Variants in SRPRA observed in about 807,000 individuals in gnomAD.
SRPRA encodes signal recognition particle receptor subunit alpha.
SRPRA carries 30 observed loss-of-function variants against 61.1 expected under a neutral mutation model. The observed-to-expected ratio is 0.49, with a 90% CI of 0.37 to 0.67. SRPRA has a LOEUF of 0.67. Ranked by LOEUF, SRPRA falls within the 30% of genes least tolerant of loss-of-function variation. The probability of loss-of-function intolerance (pLI) is 0.00; values close to 1 mark genes in which losing one functional copy is unlikely to be tolerated. For synonymous variants in SRPRA, 324 were observed against 299.7 expected, an observed-to-expected ratio of 1.08 and a Z score of -0.84; for missense variants, 759 against 828.4, an observed-to-expected ratio of 0.92 and a Z score of 1.03.
At chr11:126,240,872 C>T in the SRPRA span, 14 of 1,614,030 alleles carry the variant, frequency 8.7e-6, no homozygotes, top group East Asian at 2.2e-5. Flanking sequence ...GCTGCAGTTG[C>T]GCCCCAAGTT....
At chr11:126,236,259 A>AGTAAG in the SRPRA span, among the ~76,000 whole-genome samples, 19 of 152,200 alleles carry the variant, frequency 1.2e-4, no homozygotes, top group Non-Finnish European at 2.2e-4. Flanking sequence ...TAGCCTCCTA[A>AGTAAG]GTAAGGACCC....
At chr11:126,258,780 A>G (rs1031774397), downstream of SRPRA, among the ~76,000 whole-genome samples, 8 of 152,270 alleles carry the variant, frequency 5.3e-5, no homozygotes, top group African/African-American at 1.9e-4. Flanking sequence ...GAAAGATGCT[A>G]AAGTTTAAAA....
chr11:126,259,755 C>T (rs1232112257), downstream of SRPRA, among the ~76,000 whole-genome samples: 2 of 143,208 alleles, frequency 1.4e-5, no homozygotes, highest in South Asian at 4.5e-4. Flanking sequence ...GAGTTTCTCT[C>T]TGTCACCCAG....
chr11:126,263,361 T>A lies in SRPRA; in HGVS notation c.*555A>T, dbSNP rs1185911239. 1.3e-5 allele frequency: 2 copies of A among 152,728 alleles called. No homozygotes were observed. The highest frequency in any genetic ancestry group is 2.9e-5 in the Non-Finnish European group (2 of 68,170). 9.5% of individuals were successfully genotyped at this position (152,728 alleles called of 1,614,324 possible). A position where few individuals can be genotyped will look rare whatever the true frequency, so the allele number is the denominator to read the frequency against. On this transcript the variant is annotated 3_prime_UTR_variant, in exon 14 of 14. Coordinates refer to ENST00000332118, the MANE Select transcript of SRPRA (RefSeq NM_003139.4). ...AAATCACTCCAGCCTAGCTGATGCT[T>A]TGGGGTAAACAATGGAGTAGGAGTC...
At chr11:126,262,599 TGTACA>T (rs1950724439), downstream of SRPRA, 1 of 160,354 alleles carries the variant, frequency 6.2e-6, no homozygotes, top group Non-Finnish European at 1.4e-5. Flanking sequence ...TCTTTTACAG[TGTACA>T]GTATTTTACA....
chr11:126,247,816 C>G, the SRPRA span, among the ~76,000 whole-genome samples: 6 of 149,432 alleles, frequency 4.0e-5, no homozygotes, highest in African/African-American at 1.5e-4. Flanking sequence ...TGAGACCACG[C>G]CACTGCACTC....
the SRPRA span, chr11:126,256,986 C>T: frequency 1.1e-4 from 94 of 890,228 alleles, 1 homozygote; most frequent in Middle Eastern, 3.5e-4. This position sits in a 1 kb window ranked among gnomAD's most constrained non-coding sequence, Gnocchi z 6.6. Context: ...AAGGAGGCCA[C>T]AGTCTTCAGG....
the SRPRA span, chr11:126,254,520 T>G: frequency 6.5e-7 from 1 of 1,537,644 alleles, no homozygotes; most frequent in Non-Finnish European, 8.9e-7. Context: ...GGGAACATCT[T>G]CTTTTCATTA....
In SRPRA at chr11:126,267,590, A is replaced by C; in HGVS notation, c.324T>G (p.Asn108Lys). Reference sequence around the variant, plus strand: ...AGTCATTTTGGAAATCAAAAGTGCCATTTAATAAACTTAAAGCACTTTGCT... The same window carrying C: ...AGTCATTTTGGAAATCAAAAGTGCCCTTTAATAAACTTAAAGCACTTTGCT... ...IQQQSALSLLNGTFDFQNDFL... is the reference protein window; with the variant it reads ...IQQQSALSLLKGTFDFQNDFL... The change falls in exon 3 of 14, where the codon AAT (asparagine) becomes AAG (lysine). Residue 108 changes from asparagine (N) to lysine (K), a missense_variant. By Grantham distance (94) the Asn-to-Lys change is moderately conservative. This residue lies in a region of SRPRA where 475 missense variants were observed against 462.5 expected (regional missense o/e 1.03). Transcript: ENST00000332118. The surrounding 1 kb of genome is among the most constrained non-coding windows in gnomAD (Gnocchi z 4.2). The C allele has an allele frequency of 1.9e-6, 3 of 1,614,162 alleles. No homozygotes were observed. The highest frequency in any genetic ancestry group is 1.7e-6 in the Non-Finnish European group (2 of 1,180,052).
chr11:126,238,904 T>C, the SRPRA span, among the ~76,000 whole-genome samples: 3 of 152,058 alleles, frequency 2.0e-5, no homozygotes, highest in Non-Finnish European at 2.9e-5. Flanking sequence ...AAGTAACTAT[T>C]ATTTGGTGGT....
At chr11:126,262,272 AG>A (rs1210643011), downstream of SRPRA, 6 of 722,224 alleles carry the variant, frequency 8.3e-6, no homozygotes, top group East Asian at 1.4e-4. Flanking sequence ...GGGGTAGAAG[AG>A]GGGGGAATGT....
chr11:126,261,404 A>G, downstream of SRPRA: 1 of 1,611,038 alleles, frequency 6.2e-7, no homozygotes, highest in Non-Finnish European at 8.5e-7. Flanking sequence ...CTAATGTCTG[A>G]TGCTGATGTC....
chr11:126,255,399 TC>T, the SRPRA span, among the ~76,000 whole-genome samples: 2 of 152,204 alleles, frequency 1.3e-5, no homozygotes, highest in African/African-American at 4.8e-5. This position sits in a 1 kb window ranked among gnomAD's most constrained non-coding sequence, Gnocchi z 4.6. Flanking sequence ...TTTTACCCAT[TC>T]TTTCCCAACA....
Position 126,262,964 on chromosome 11 carries a change from A to G in SRPRA, c.*952T>C, listed in dbSNP as rs1461819486. On this transcript the variant is annotated 3_prime_UTR_variant, in exon 14 of 14. Transcript: ENST00000332118. ...TTATTTATGAAATTTATTTTCTTATATAAATTACTTATTTCTCTGGGCAGA... is the reference window on the plus strand; with the variant it reads ...TTATTTATGAAATTTATTTTCTTATGTAAATTACTTATTTCTCTGGGCAGA... The G allele has an allele frequency of 6.5e-6, 1 of 152,694 alleles. No individual in the cohort carries two copies. The highest frequency in any genetic ancestry group is 1.5e-5 in the Non-Finnish European group (1 of 68,056). 9.5% of individuals were successfully genotyped at this position (152,694 alleles called of 1,614,324 possible). A position where few individuals can be genotyped will look rare whatever the true frequency, so the allele number is the denominator to read the frequency against.
Position 126,263,904 on chromosome 11 carries a change from G to A in SRPRA, c.*12C>T, listed in dbSNP as rs369082444. On this transcript the variant is annotated 3_prime_UTR_variant, in exon 14 of 14. Transcript: ENST00000332118. ...GGGGAAAGCGGCGATTTGGTATTGG[G>A]CAAGAGCCACGTTAAGCCTTCATGA... The A allele has an allele frequency of 7.1e-5, 115 of 1,613,334 alleles. No individual in the cohort carries two copies. Among genetic ancestry groups the A allele is most frequent in the Non-Finnish European group, 9.5e-5 (112 of 1,179,834 alleles).
chr11:126,254,334 G>T, the SRPRA span: 8 of 1,613,730 alleles, frequency 5.0e-6, no homozygotes, highest in Non-Finnish European at 6.8e-6. Flanking sequence ...AGAAGCGTAA[G>T]CTGAGCGTGT....
At chr11:126,236,676 T>C in the SRPRA span, among the ~76,000 whole-genome samples, 4 of 152,160 alleles carry the variant, frequency 2.6e-5, no homozygotes, top group Non-Finnish European at 5.9e-5. Context: ...CAATGTTTTT[T>C]CTATTCCACA....
the SRPRA span, among the ~76,000 whole-genome samples, chr11:126,238,678 T>G: frequency 3.9e-5 from 6 of 152,204 alleles, no homozygotes; most frequent in Non-Finnish European, 5.9e-5. Flanking sequence ...TCTAGCCTGC[T>G]GAAAGTTGTA....
chr11:126,251,654 C>A, the SRPRA span, among the ~76,000 whole-genome samples: 1 of 152,090 alleles, frequency 6.6e-6, no homozygotes, highest in Non-Finnish European at 1.5e-5. Context: ...TCTGACCATC[C>A]TATTTAAATT....
Sources: allele counts gnomAD v4.1 joint callset (sites outside exome capture counted in the v4.1 genomes callset), GRCh38; gene constraint gnomAD v4.1.1; regional missense constraint gnomAD v4.1.1; non-coding constraint Gnocchi (gnomAD v3.1); transcripts MANE v1.5; gene names NCBI Gene and HGNC (gene_info 2026-07-23, HGNC 2026-07-21).